The following GRM8 variants were observed in gnomAD, a reference collection of about 807,000 sequenced individuals.
The protein encoded by GRM8 is glutamate metabotropic receptor 8, also known as metabotropic glutamate receptor 8.
A neutral mutation model predicts 87.2 loss-of-function variants in GRM8; 47 were observed. The observed-to-expected ratio is 0.54, with a 90% CI of 0.43 to 0.69. The LOEUF (loss-of-function observed/expected upper bound fraction) is 0.69. GRM8 is among the 30% of genes least tolerant of loss of function. The probability of loss-of-function intolerance (pLI) is 0.00; values close to 1 mark genes in which losing one functional copy is unlikely to be tolerated. For synonymous variants in GRM8, 396 were observed against 404.5 expected (o/e 0.98, Z 0.25); for missense variants, 1,019 against 1,139.2 (o/e 0.89, Z 1.52).
At chr7:127,169,460 C>T (rs578153588) in intron 2 of GRM8, among the ~76,000 whole-genome samples, 46 of 152,276 alleles carry the variant, frequency 3.0e-4, no homozygotes, top group African/African-American at 1.0e-3. Context: ...ATCTCCAAAA[C>T]ATAAAAGTGC....
intron 3 of GRM8, among the ~76,000 whole-genome samples, chr7:127,103,623 T>A (rs995838328): frequency 1.3e-5 from 2 of 152,186 alleles, no homozygotes; most frequent in Non-Finnish European, 1.5e-5. Context: ...AAACTAAGGA[T>A]AAAATAAACA....
At chr7:126,695,080 G>C (rs1809230982) in intron 7 of GRM8, among the ~76,000 whole-genome samples, 1 of 152,146 alleles carries the variant, frequency 6.6e-6, no homozygotes, top group Non-Finnish European at 1.5e-5. Context: ...TTGCATTGAT[G>C]GGTGGCTTTT....
intron 3 of GRM8, among the ~76,000 whole-genome samples, chr7:127,005,899 T>C (rs2283088): frequency 0.51 from 78,016 of 151,558 alleles, 21,396 homozygotes; most frequent in African/African-American, 0.72. Context: ...CTTAAATTTA[T>C]GACCACAAAT....
intron 3 of GRM8, among the ~76,000 whole-genome samples, chr7:126,926,772 C>A (rs1182703104): frequency 6.6e-6 from 1 of 152,196 alleles, no homozygotes; most frequent in East Asian, 1.9e-4. Flanking sequence ...ACATGTCCTG[C>A]AAGATGCCTT....
chr7:127,226,859 C>T (rs1182716945), intron 2 of GRM8, among the ~76,000 whole-genome samples: 1 of 152,184 alleles, frequency 6.6e-6, no homozygotes, highest in Admixed American at 6.5e-5. Context: ...AGTGTTTCTA[C>T]CGGCTTGCAC....
intron 7 of GRM8, among the ~76,000 whole-genome samples, chr7:126,717,533 A>C (rs1364995803): frequency 1.3e-5 from 2 of 152,176 alleles, no homozygotes; most frequent in African/African-American, 4.8e-5. Context: ...CCCCAAAAAG[A>C]GACAATTAGG....
intron 6 of GRM8, among the ~76,000 whole-genome samples, chr7:126,774,024 A>T (rs17683174): frequency 0.36 from 54,621 of 151,998 alleles, 11,423 homozygotes; most frequent in Non-Finnish European, 0.47. Flanking sequence ...TTGTTCTTTT[A>T]AAGAGTTCAG....
chr7:127,020,442 T>C (rs1392909723), intron 3 of GRM8, among the ~76,000 whole-genome samples: 3 of 151,970 alleles, frequency 2.0e-5, no homozygotes, highest in Non-Finnish European at 4.4e-5. Context: ...ACATCTCCCC[T>C]AGGAGAGCAG....
At chr7:126,673,452 G>A (rs1806603306) in intron 7 of GRM8, among the ~76,000 whole-genome samples, 1 of 152,128 alleles carries the variant, frequency 6.6e-6, no homozygotes, top group Non-Finnish European at 1.5e-5. Context: ...ATGCACAATG[G>A]TTTGAGACAA....
At chr7:126,531,804 C>T (rs1814865589) in intron 9 of GRM8, among the ~76,000 whole-genome samples, 1 of 152,240 alleles carries the variant, frequency 6.6e-6, no homozygotes, top group Non-Finnish European at 1.5e-5. Context: ...CTTTCTGTCC[C>T]GTTGTTGTGG....
At chr7:126,747,269 A>G (rs1052229101) in intron 7 of GRM8, among the ~76,000 whole-genome samples, 3 of 151,972 alleles carry the variant, frequency 2.0e-5, no homozygotes, top group Non-Finnish European at 2.9e-5. Context: ...CATAACTTCA[A>G]CTACAAAAAT....
intron 9 of GRM8, among the ~76,000 whole-genome samples, chr7:126,463,170 C>T (rs1646397206): frequency 6.6e-6 from 1 of 151,534 alleles, no homozygotes; most frequent in South Asian, 2.1e-4. Context: ...GATGAAGAGA[C>T]ATCAGGGGAT....
At chr7:127,128,902 C>A (rs1489206727) in intron 2 of GRM8, among the ~76,000 whole-genome samples, 1 of 152,102 alleles carries the variant, frequency 6.6e-6, no homozygotes, top group Non-Finnish European at 1.5e-5. Flanking sequence ...GAAGGCCCAG[C>A]AAACAACTGA....
rs796568925 is a variant in GRM8 at position 127,131,323 on chromosome 7, C to T, written c.511-24611G>A. Among the ~76,000 whole-genome samples the T allele has an allele frequency of 6.6e-5, 10 of 152,146 alleles. No individual in the cohort carries two copies. The South Asian group carries it at 8.3e-4, about 13-fold the overall frequency. On this transcript the variant is annotated intron_variant, in intron 2 of 10. Coordinates refer to ENST00000339582, the MANE Select transcript of GRM8 (RefSeq NM_000845.3). ...CACTGGAAGCAGCATTGAAAACTTGCCAGAATCATGTGCAAAATCATGGAC... is the reference window on the plus strand; with the variant it reads ...CACTGGAAGCAGCATTGAAAACTTGTCAGAATCATGTGCAAAATCATGGAC...
intron 1 of GRM8, 108 bp from the exon 2 acceptor site, chr7:127,243,623 GAAACT>G: frequency 6.1e-6 from 1 of 163,508 alleles, no homozygotes; most frequent in Non-Finnish European, 1.3e-5. Flanking sequence ...TATTCAGTAA[GAAACT>G]AATTCTTTTT....
intron 3 of GRM8, among the ~76,000 whole-genome samples, chr7:126,970,587 C>T (rs995441596): frequency 1.3e-5 from 2 of 152,086 alleles, no homozygotes; most frequent in Non-Finnish European, 2.9e-5. Context: ...ACCACAAAAA[C>T]TTTCTCTATA....
intron 6 of GRM8, among the ~76,000 whole-genome samples, chr7:126,816,732 T>TTGTGTGTGTGTGTGTG (rs3038866): frequency 2.1e-5 from 3 of 145,938 alleles, no homozygotes; most frequent in African/African-American, 5.1e-5. Flanking sequence ...GTATATGATT[T>TTGTGTGTGTGTGTGTG]TGTGTGTGTG....
At chr7:126,578,576 G>C (rs1044922720) in intron 8 of GRM8, among the ~76,000 whole-genome samples, 5 of 152,108 alleles carry the variant, frequency 3.3e-5, no homozygotes, top group Non-Finnish European at 7.4e-5. Flanking sequence ...TAGAGAGTCT[G>C]GGCAGTTTAG....
intron 8 of GRM8, among the ~76,000 whole-genome samples, chr7:126,588,463 A>G (rs1370851541): frequency 6.6e-6 from 1 of 152,208 alleles, no homozygotes; most frequent in Admixed American, 6.5e-5. Context: ...CATATGCCCA[A>G]AGGAAAATAA....
Sources: allele counts gnomAD v4.1 joint callset (sites outside exome capture counted in the v4.1 genomes callset), GRCh38; gene constraint gnomAD v4.1.1; transcripts MANE v1.5; gene names NCBI Gene and HGNC (gene_info 2026-07-23, HGNC 2026-07-21).